NCKAP1: variants seen among roughly 807,000 people sequenced by gnomAD.
The protein encoded by NCKAP1 is nck-associated protein 1.
A neutral mutation model predicts 151.2 loss-of-function variants in NCKAP1; 21 were observed. The observed-to-expected ratio is 0.14, with a 90% confidence interval of 0.10 to 0.20. The LOEUF is 0.20. Among genes scored for constraint, NCKAP1 ranks in the 10% least tolerant of loss-of-function variants. The pLI is 1.00. For missense variants in NCKAP1, 933 were observed against 1,352.1 expected (o/e 0.69, Z 4.86); for synonymous variants, 484 against 451.8 (o/e 1.07, Z -0.90).
chr2:182,909,782 T>C lies in NCKAP1; in HGVS notation c.*15920A>G, dbSNP rs1228095125. The stretch of plus-strand genomic sequence containing the variant: ...GCTCCATTTTGAATTTGATTTGTAG[T>C]TCTCAGAATAGAACAGGGAGCCCAA... On this transcript the variant is annotated 3_prime_UTR_variant, in exon 31 of 31. Transcript: ENST00000361354. The C allele has an allele frequency of 2.0e-5, 3 of 152,182 alleles. No individual in the cohort carries two copies. The highest frequency in any genetic ancestry group is 7.2e-5 in the African/African-American group (3 of 41,446). 9.4% of individuals were successfully genotyped at this position (152,182 alleles called of 1,614,324 possible).
chr2:182,930,049 C>T (rs1482866672), intron 27 of NCKAP1, among the ~76,000 whole-genome samples: 1 of 151,988 alleles, frequency 6.6e-6, no homozygotes, highest in East Asian at 1.9e-4. Context: ...CATTAGCATA[C>T]AAATGCTGTA....
intron 17 of NCKAP1, 112 bp from the exon 18 acceptor site, chr2:182,962,390 G>A: frequency 2.0e-6 from 2 of 991,828 alleles, no homozygotes; most frequent in East Asian, 2.8e-5. Flanking sequence ...CCGCAATAGT[G>A]AGGGTGGGAG....
intron 23 of NCKAP1, among the ~76,000 whole-genome samples, chr2:182,948,187 G>T (rs1311731233): frequency 1.3e-5 from 2 of 151,650 alleles, no homozygotes; most frequent in Admixed American, 1.3e-4. Flanking sequence ...TATTTGAGAA[G>T]CAAAAAAGTA....
rs1054796068 is a variant in NCKAP1, at chr2:182,911,735, A to T, written c.*13967T>A. 1 of 152,122 alleles carries T rather than the reference A, an allele frequency of 6.6e-6. No homozygotes were observed. The highest frequency in any genetic ancestry group is 2.4e-5 in the African/African-American group (1 of 41,434). The allele number at this position is 152,122 out of a possible 1,614,324, so 9.4% of individuals were successfully genotyped here. A position where few individuals can be genotyped will look rare whatever the true frequency, so the allele number is the denominator to read the frequency against. The stretch of plus-strand genomic sequence containing the variant: ...GAGAAAACAGATTGCTGTTGATGGG[A>T]ATTATTAAAAAAAAACAAAACAAAC... On this transcript the variant is annotated 3_prime_UTR_variant, in exon 31 of 31. Coordinates refer to ENST00000361354, the MANE Select transcript of NCKAP1 (RefSeq NM_013436.5).
intron 2 of NCKAP1, among the ~76,000 whole-genome samples, chr2:183,015,126 T>A (rs1463135433): frequency 3.3e-5 from 5 of 152,206 alleles, no homozygotes; most frequent in African/African-American, 1.2e-4. Context: ...GAAGAGGTTA[T>A]GAATATAGTT....
chr2:183,016,942 G>A (rs891969388), intron 2 of NCKAP1, among the ~76,000 whole-genome samples: 3 of 152,126 alleles, frequency 2.0e-5, no homozygotes, highest in Non-Finnish European at 4.4e-5. Flanking sequence ...CGGACAAGTC[G>A]TAAATGACCA....
chr2:183,037,034 G>A (rs1018196995), intron 1 of NCKAP1, among the ~76,000 whole-genome samples: 1 of 152,114 alleles, frequency 6.6e-6, no homozygotes, highest in Non-Finnish European at 1.5e-5. Flanking sequence ...CTTGCCTTAA[G>A]GGGAGAGATT....
rs1293889352 is a variant in NCKAP1, at chr2:182,913,448, A to C, written c.*12254T>G. 6.6e-6 allele frequency: 1 copy of C among 152,240 alleles called. No individual in the cohort carries two copies. The highest frequency in any genetic ancestry group is 1.5e-5 in the Non-Finnish European group (1 of 68,070). 9.4% of individuals were successfully genotyped at this position (152,240 alleles called of 1,614,324 possible). A position where few individuals can be genotyped will look rare whatever the true frequency, so the allele number is the denominator to read the frequency against. On this transcript the variant is annotated 3_prime_UTR_variant, in exon 31 of 31. Transcript: ENST00000361354. ...GAGTGGGTTAGTTACCACAAAAGTG[A>C]GTCTGTTATAAAAGTCAGTTTGGCT...
At chr2:182,999,797 T>C (rs1318937023) in intron 6 of NCKAP1, among the ~76,000 whole-genome samples, 1 of 152,196 alleles carries the variant, frequency 6.6e-6, no homozygotes, top group East Asian at 1.9e-4. Context: ...GTGGTATATA[T>C]GCACCACGGA....
chr2:182,962,927 TG>T (rs1416900956), intron 17 of NCKAP1, among the ~76,000 whole-genome samples: 10 of 152,016 alleles, frequency 6.6e-5, no homozygotes, highest in Non-Finnish European at 1.2e-4. Context: ...CTATGGTAAC[TG>T]GAATGTTGAG....
At chr2:182,933,090 A>G (rs1002461550) in intron 26 of NCKAP1, among the ~76,000 whole-genome samples, 1 of 152,228 alleles carries the variant, frequency 6.6e-6, no homozygotes, top group African/African-American at 2.4e-5. Context: ...AAGTTCTCTG[A>G]TAACACTAAG....
chr2:182,923,978 CTACTT>C lies in NCKAP1; in HGVS notation c.*1719_*1723del, dbSNP rs1462843539. The C allele has an allele frequency of 2.6e-5, 4 of 152,112 alleles. No individual in the cohort carries two copies. The highest frequency in any genetic ancestry group is 5.9e-5 in the Non-Finnish European group (4 of 68,006). The allele number at this position is 152,112 out of a possible 1,614,324, so 9.4% of individuals were successfully genotyped here. On this transcript the variant is annotated 3_prime_UTR_variant, in exon 31 of 31. Coordinates refer to ENST00000361354, the MANE Select transcript of NCKAP1 (RefSeq NM_013436.5). ...TTCCAAAGTGTACATATCCAAATTC[CTACTT>C]TACCTCTCCAGAGATCACTGCCAAC...
Position 182,915,283 on chromosome 2 carries a change from C to G in NCKAP1, c.*10419G>C, listed in dbSNP as rs1314515249. 1 of 152,122 alleles carries G rather than the reference C, an allele frequency of 6.6e-6. No individual in the cohort carries two copies. 9.4% of individuals were successfully genotyped at this position (152,122 alleles called of 1,614,324 possible). ...ATATTCTGTATAGAATGCAAATGTT[C>G]AGACTTTGCTTTTCAAAAACGTTGT... On this transcript the variant is annotated 3_prime_UTR_variant, in exon 31 of 31. Coordinates refer to ENST00000361354, the MANE Select transcript of NCKAP1 (RefSeq NM_013436.5).
In NCKAP1 at chr2:182,912,441, TC is replaced by T. The variant is rs1448701705; in HGVS notation, c.*13260del. The T allele has an allele frequency of 6.6e-6, 1 of 152,326 alleles. No individual in the cohort carries two copies. Among genetic ancestry groups the T allele is most frequent in the African/African-American group, 2.4e-5 (1 of 41,586 alleles). The allele number at this position is 152,326 out of a possible 1,614,324, so 9.4% of individuals were successfully genotyped here. A position where few individuals can be genotyped will look rare whatever the true frequency, so the allele number is the denominator to read the frequency against. ...ATGTGGCAATGAGATACAAGTGCCA[TC>T]TTTTAGCACATTATAATAATCCTGT... is the stretch of plus-strand genomic sequence containing the variant. On this transcript the variant is annotated 3_prime_UTR_variant, in exon 31 of 31. Coordinates refer to ENST00000361354, the MANE Select transcript of NCKAP1 (RefSeq NM_013436.5).
rs2105785496 is a variant in NCKAP1, at chr2:182,912,868, G to GGAAGGAAGGAAGGAAGGAAGGAAGGAAA, written c.*12833_*12834insTTTCCTTCCTTCCTTCCTTCCTTCCTTC. The GGAAGGAAGGAAGGAAGGAAGGAAGGAAA allele has an allele frequency of 6.6e-6, 1 of 152,176 alleles. No homozygotes were observed. The highest frequency in any genetic ancestry group is 6.6e-5 in the Admixed American group (1 of 15,260). 9.4% of individuals were successfully genotyped at this position (152,176 alleles called of 1,614,324 possible). On this transcript the variant is annotated 3_prime_UTR_variant, in exon 31 of 31. Transcript: ENST00000361354. ...AGGAAGAAAGGAAGGAAGGAAGGAA[G>GGAAGGAAGGAAGGAAGGAAGGAAGGAAA]GAAGGAAGGAAGGAAGGAAAGAATT...
At chr2:182,965,785 T>C (rs1316348171) in intron 16 of NCKAP1, among the ~76,000 whole-genome samples, 2 of 152,210 alleles carry the variant, frequency 1.3e-5, no homozygotes, top group South Asian at 2.1e-4. Context: ...ATCCTTTGCA[T>C]AGCTGAAAAT....
chr2:183,010,314 G>A lies in NCKAP1; in HGVS notation c.220-6989C>T, dbSNP rs187082213. Among the ~76,000 whole-genome samples the A allele has an allele frequency of 2.0e-5, 3 of 152,256 alleles. No individual in the cohort carries two copies. The East Asian group carries it at 5.8e-4, about 29-fold the overall frequency. Reference sequence around the variant, plus strand: ...TGCTCTTTTGGAACACTGCCCTGACGTGCTGTATGTGAGGAAGCCTGAGAT... The same window carrying A: ...TGCTCTTTTGGAACACTGCCCTGACATGCTGTATGTGAGGAAGCCTGAGAT... On this transcript the variant is annotated intron_variant, in intron 2 of 30. Coordinates refer to ENST00000361354, the MANE Select transcript of NCKAP1 (RefSeq NM_013436.5).
Position 182,925,691 on chromosome 2 carries a change from A to G in NCKAP1, c.*11T>C. 1 of 1,475,458 alleles carries G rather than the reference A, an allele frequency of 6.8e-7. No homozygotes were observed. Among genetic ancestry groups the G allele is most frequent in the Non-Finnish European group, 9.2e-7 (1 of 1,087,466 alleles). 91.4% of individuals were successfully genotyped at this position (1,475,458 alleles called of 1,614,324 possible). A position where few individuals can be genotyped will look rare whatever the true frequency, so the allele number is the denominator to read the frequency against. On this transcript the variant is annotated 3_prime_UTR_variant, in exon 31 of 31. Transcript: ENST00000361354. ...CAAAAATGCGTGCTTATCTTGATTA[A>G]GTAGGTAATTTTATGCAGAAGATGT... is the stretch of plus-strand genomic sequence containing the variant.
At chr2:182,969,909 AAG>A (rs1229626295) in intron 15 of NCKAP1, among the ~76,000 whole-genome samples, 2 of 151,990 alleles carry the variant, frequency 1.3e-5, no homozygotes, top group Non-Finnish European at 2.9e-5. Context: ...GAAAAAAAGA[AAG>A]AAGACCCCAA....
Sources: gnomAD v4.1 joint callset for allele counts (sites outside exome capture counted in the v4.1 genomes callset) on GRCh38, gnomAD v4.1.1 for gene constraint, MANE v1.5 for transcripts, NCBI Gene and HGNC (gene_info 2026-07-23, HGNC 2026-07-21) for gene names.